MYO3B: variants seen among roughly 807,000 people sequenced by gnomAD.
The protein encoded by MYO3B is myosin IIIB.
In MYO3B, 156 loss-of-function variants were observed where a neutral mutation model predicts 174.6. The ratio of observed to expected loss-of-function variants is 0.89; its 90% CI spans 0.78 to 1.02. The LOEUF (loss-of-function observed/expected upper bound fraction) is 1.02, where lower values mean the gene tolerates loss of function less well. Among genes scored for constraint, MYO3B ranks in the 50% least tolerant of loss-of-function variants. MYO3B has a pLI of 0.00. For missense variants in MYO3B, 1,632 were observed against 1,639.4 expected, an observed-to-expected ratio of 1.00 and a Z score of 0.08; for synonymous variants, 563 against 569.1, an observed-to-expected ratio of 0.99 and a Z score of 0.15.
intron 9 of MYO3B, among the ~76,000 whole-genome samples, chr2:170,377,468 C>G (rs1293563711): frequency 6.6e-6 from 1 of 152,170 alleles, no homozygotes; most frequent in African/African-American, 2.4e-5. Context: ...TCTTACGCTG[C>G]ACTCATTTCC....
chr2:170,281,342 C>T (rs1329645234), intron 7 of MYO3B, among the ~76,000 whole-genome samples: 4 of 152,092 alleles, frequency 2.6e-5, no homozygotes, highest in African/African-American at 9.7e-5. Context: ...ATGGCATGTA[C>T]TCTAATATTG....
chr2:170,482,301 C>T (rs553114846), intron 25 of MYO3B, among the ~76,000 whole-genome samples: 43 of 152,218 alleles, frequency 2.8e-4, no homozygotes, highest in Admixed American at 7.2e-4. Context: ...ATTACAGGTG[C>T]GCACCACCAT....
At chr2:170,213,246 G>A (rs1317752873) in intron 3 of MYO3B, among the ~76,000 whole-genome samples, 2 of 152,154 alleles carry the variant, frequency 1.3e-5, no homozygotes, top group African/African-American at 4.8e-5. Context: ...TCCGCCGGGA[G>A]CATCGGGCAA....
intron 1 of MYO3B, among the ~76,000 whole-genome samples, chr2:170,189,408 C>T (rs1354612211): frequency 6.6e-6 from 1 of 152,054 alleles, no homozygotes; most frequent in Non-Finnish European, 1.5e-5. Flanking sequence ...TTTGAATAAA[C>T]ATTCTACCCC....
At chr2:170,457,821 C>T (rs904505411) in intron 23 of MYO3B, among the ~76,000 whole-genome samples, 2 of 152,174 alleles carry the variant, frequency 1.3e-5, no homozygotes, top group African/African-American at 4.8e-5. Context: ...GTGCCATGAT[C>T]GTGGCTCACT....
intron 16 of MYO3B, among the ~76,000 whole-genome samples, chr2:170,397,554 A>G (rs2094448578): frequency 6.6e-6 from 1 of 152,224 alleles, no homozygotes; most frequent in African/African-American, 2.4e-5. Context: ...ACCATTAATG[A>G]TACATATGTA....
chr2:170,644,962 A>T (rs1698253679), intron 32 of MYO3B, among the ~76,000 whole-genome samples: 2 of 152,080 alleles, frequency 1.3e-5, no homozygotes, highest in South Asian at 4.1e-4. Flanking sequence ...GGTTGGGGGG[A>T]GGTGCAAAGA....
In MYO3B at chr2:170,555,351, G is replaced by T. The variant is rs1691212508; in HGVS notation, c.3733+11363G>T. Reference sequence around the variant, plus strand: ...AGCTTTGACAAATGCGTAATGACCTGTATTCATCATGACAGTATCATACAG... The same window carrying T: ...AGCTTTGACAAATGCGTAATGACCTTTATTCATCATGACAGTATCATACAG... On this transcript the variant is annotated intron_variant, in intron 32 of 34. Coordinates refer to ENST00000408978, the MANE Select transcript of MYO3B (RefSeq NM_138995.5). 3.9e-5 allele frequency among the ~76,000 whole-genome samples: 6 copies of T among 152,090 alleles called. No individual in the cohort carries two copies. The South Asian group carries it at 1.2e-3, about 32-fold the overall frequency.
At chr2:170,222,462 C>T (rs1284282191) in intron 6 of MYO3B, among the ~76,000 whole-genome samples, 1 of 152,170 alleles carries the variant, frequency 6.6e-6, no homozygotes, top group Non-Finnish European at 1.5e-5. Flanking sequence ...TCCTCTGAAG[C>T]CTCTAGGGGA....
intron 32 of MYO3B, among the ~76,000 whole-genome samples, chr2:170,620,779 C>T (rs989223908): frequency 6.6e-6 from 1 of 152,124 alleles, no homozygotes; most frequent in Non-Finnish European, 1.5e-5. Context: ...GCTGCCCACC[C>T]TTTGGCCTAG....
intron 21 of MYO3B, among the ~76,000 whole-genome samples, chr2:170,407,324 GGT>G (rs2094516313): frequency 6.6e-6 from 1 of 152,026 alleles, no homozygotes; most frequent in Non-Finnish European, 1.5e-5. Flanking sequence ...ATCTGGGCGT[GGT>G]GACATGTACC....
chr2:170,626,147 C>T (rs139101564), intron 32 of MYO3B, among the ~76,000 whole-genome samples: 3,509 of 151,996 alleles, frequency 0.023, 61 homozygotes, highest in South Asian at 0.062. Context: ...TAATGTTGAC[C>T]GTGGGGTGTT....
intron 24 of MYO3B, 67 bp downstream of exon 24, chr2:170,463,512 A>T: frequency 1.5e-6 from 2 of 1,362,912 alleles, no homozygotes; most frequent in Non-Finnish European, 2.1e-6. Context: ...TTCTTATGAG[A>T]TGCCCAGATG....
At chr2:170,651,076 CCTT>C in intron 32 of MYO3B, among the ~76,000 whole-genome samples, 1 of 152,234 alleles carries the variant, frequency 6.6e-6, no homozygotes, top group African/African-American at 2.4e-5. Flanking sequence ...CATCCTTTCT[CCTT>C]CTCTTTTACA....
chr2:170,214,883 C>A, intron 5 of MYO3B, 55 bp downstream of exon 5: 3 of 1,276,720 alleles, frequency 2.3e-6, no homozygotes, highest in Non-Finnish European at 2.3e-6. Context: ...CCAAAGGGGA[C>A]AATTTATTGC....
At chr2:170,522,619 T>TC (rs1228801635) in intron 30 of MYO3B, among the ~76,000 whole-genome samples, 4 of 152,342 alleles carry the variant, frequency 2.6e-5, no homozygotes, top group Admixed American at 1.3e-4. Context: ...AGGCTGCTGT[T>TC]CCACGCCTCT....
intron 28 of MYO3B, among the ~76,000 whole-genome samples, chr2:170,503,364 T>C (rs1000794140): frequency 6.6e-6 from 1 of 152,184 alleles, no homozygotes; most frequent in Non-Finnish European, 1.5e-5. Context: ...GTAATAATTG[T>C]ATCTTTTCAG....
At chr2:170,523,139 G>C (rs1354502465) in intron 30 of MYO3B, among the ~76,000 whole-genome samples, 1 of 152,162 alleles carries the variant, frequency 6.6e-6, no homozygotes, top group African/African-American at 2.4e-5. Flanking sequence ...TTGACCTTGT[G>C]CTAGCAAGTT....
intron 32 of MYO3B, among the ~76,000 whole-genome samples, chr2:170,589,205 C>A (rs2106319587): frequency 6.6e-6 from 1 of 152,240 alleles, no homozygotes; most frequent in South Asian, 2.1e-4. Context: ...ATATCATGGA[C>A]CCCAACACTG....
Sources: gnomAD v4.1 joint callset for allele counts (sites outside exome capture counted in the v4.1 genomes callset) on GRCh38, gnomAD v4.1.1 for gene constraint, MANE v1.5 for transcripts, NCBI Gene and HGNC (gene_info 2026-07-23, HGNC 2026-07-21) for gene names.